The following CSMD1 variants were observed in gnomAD, a reference collection of about 807,000 sequenced individuals.
CSMD1 encodes CUB and sushi domain-containing protein 1.
Under a neutral mutation model 417.5 loss-of-function variants are expected in CSMD1, and 213 were observed. The ratio of observed to expected loss-of-function variants is 0.51; its 90% CI spans 0.46 to 0.57. CSMD1 has a LOEUF of 0.57. Among genes scored for constraint, CSMD1 ranks in the 20% least tolerant of loss-of-function variants. The pLI is 0.00. For synonymous variants in CSMD1, 2,862 were observed against 1,736.8 expected (o/e 1.65, Z -16.11); for missense variants, 6,923 against 4,529.7 (o/e 1.53, Z -15.17).
Position 3,906,756 on chromosome 8 carries a change from T to C in CSMD1, c.818+91147A>G, listed in dbSNP as rs146490210. Among the ~76,000 whole-genome samples the C allele has an allele frequency of 2.7e-3, 417 of 152,276 alleles. 2 individuals are homozygous for C. The highest frequency in any genetic ancestry group is 9.6e-3 in the African/African-American group (398 of 41,554). On this transcript the variant is annotated intron_variant, in intron 5 of 69. Transcript: ENST00000635120. ...CCTCATCTTTGATACTGTAAATTCCTACAAGAGGAAAAATGACTTTTATAT... is the reference window on the plus strand; with the variant it reads ...CCTCATCTTTGATACTGTAAATTCCCACAAGAGGAAAAATGACTTTTATAT...
chr8:4,938,649 G>C (rs561944641), intron 1 of CSMD1, among the ~76,000 whole-genome samples: 1 of 152,222 alleles, frequency 6.6e-6, no homozygotes, highest in East Asian at 1.9e-4. Context: ...GCTGTAATCA[G>C]TGCTTGAACT....
At chr8:4,368,260 T>A (rs1802201585) in intron 3 of CSMD1, among the ~76,000 whole-genome samples, 1 of 152,182 alleles carries the variant, frequency 6.6e-6, no homozygotes, top group African/African-American at 2.4e-5. Context: ...CTTGTGGCTT[T>A]TTTGTTCTGT....
intron 1 of CSMD1, among the ~76,000 whole-genome samples, chr8:4,715,662 A>C (rs1022660639): frequency 3.3e-5 from 5 of 152,180 alleles, no homozygotes; most frequent in Non-Finnish European, 5.9e-5. Flanking sequence ...TTCCAGATTC[A>C]TCTTAATTTT....
chr8:3,722,815 G>T (rs1030800983), intron 6 of CSMD1, among the ~76,000 whole-genome samples: 1 of 152,172 alleles, frequency 6.6e-6, no homozygotes, highest in Non-Finnish European at 1.5e-5. Flanking sequence ...GAACGATGCT[G>T]GTCTTGAGGA....
At chr8:4,583,113 C>T (rs377446034) in intron 2 of CSMD1, among the ~76,000 whole-genome samples, 37 of 152,346 alleles carry the variant, frequency 2.4e-4, no homozygotes, top group African/African-American at 7.9e-4. Context: ...GCCTCCCACC[C>T]ACTCCATGGG....
intron 3 of CSMD1, among the ~76,000 whole-genome samples, chr8:4,284,416 A>G (rs1404915735): frequency 3.9e-5 from 5 of 128,278 alleles, no homozygotes; most frequent in Non-Finnish European, 7.9e-5. Context: ...TTCAGGAGAG[A>G]CAAACACTGC....
chr8:4,802,919 G>A (rs1340443162), intron 1 of CSMD1, among the ~76,000 whole-genome samples: 4 of 152,156 alleles, frequency 2.6e-5, no homozygotes, highest in African/African-American at 9.7e-5. Flanking sequence ...AACCACTGGA[G>A]AGAGGCAGAA....
intron 1 of CSMD1, among the ~76,000 whole-genome samples, chr8:4,852,427 T>C (rs1456160891): frequency 6.6e-6 from 1 of 152,176 alleles, no homozygotes; most frequent in Non-Finnish European, 1.5e-5. Context: ...ATGCACTGTC[T>C]GCCCCTTTCA....
chr8:4,205,500 G>T (rs566466858), intron 3 of CSMD1, among the ~76,000 whole-genome samples: 1 of 152,152 alleles, frequency 6.6e-6, no homozygotes, highest in Non-Finnish European at 1.5e-5. Flanking sequence ...GCCACTCGAG[G>T]TAACTATCTT....
At chr8:4,519,600 C>T (rs1052678222) in intron 2 of CSMD1, among the ~76,000 whole-genome samples, 4 of 151,326 alleles carry the variant, frequency 2.6e-5, no homozygotes, top group African/African-American at 7.3e-5. Flanking sequence ...ATTAGCCCGA[C>T]ATGGTTGCAG....
chr8:4,099,970 C>G (rs529779385), intron 3 of CSMD1, among the ~76,000 whole-genome samples: 7 of 152,098 alleles, frequency 4.6e-5, no homozygotes, highest in Non-Finnish European at 7.4e-5. Context: ...ATTTTACTTC[C>G]TAATACAGTT....
chr8:4,300,600 T>C (rs1004263040), intron 3 of CSMD1, among the ~76,000 whole-genome samples: 8 of 152,214 alleles, frequency 5.3e-5, no homozygotes, highest in Non-Finnish European at 1.0e-4. Flanking sequence ...TTGTTTCATA[T>C]GTATACATGT....
chr8:3,007,515 G>A (rs1258883867), intron 52 of CSMD1, among the ~76,000 whole-genome samples: 1 of 149,740 alleles, frequency 6.7e-6, no homozygotes, highest in African/African-American at 2.5e-5. Flanking sequence ...AGACTTGGAA[G>A]CAACCCAAAT....
At chr8:4,580,639 T>C (rs1414352960) in intron 2 of CSMD1, among the ~76,000 whole-genome samples, 1 of 152,136 alleles carries the variant, frequency 6.6e-6, no homozygotes, top group African/African-American at 2.4e-5. Context: ...TGGCATCACA[T>C]AAGACATTCT....
chr8:3,617,436 C>T (rs1047507693), intron 7 of CSMD1, among the ~76,000 whole-genome samples: 2 of 152,168 alleles, frequency 1.3e-5, no homozygotes, highest in Non-Finnish European at 1.5e-5. Context: ...TCATTTCATC[C>T]TGTATAATTT....
chr8:3,674,368 G>A (rs17397907), intron 7 of CSMD1, among the ~76,000 whole-genome samples: 1 of 151,810 alleles, frequency 6.6e-6, no homozygotes, highest in African/African-American at 2.4e-5. Flanking sequence ...TTATCATCAC[G>A]AGCTAAGTAG....
chr8:4,227,103 TG>T (rs1801406361), intron 3 of CSMD1, among the ~76,000 whole-genome samples: 1 of 152,218 alleles, frequency 6.6e-6, no homozygotes, highest in South Asian at 2.1e-4. Context: ...AGGTCTTTTC[TG>T]GGAAGGAAAT....
chr8:3,819,533 TACACACACACACAC>T (rs10566509), intron 5 of CSMD1, among the ~76,000 whole-genome samples: 1 of 82,346 alleles, frequency 1.2e-5, no homozygotes, highest in African/African-American at 5.2e-5. Context: ...AGGTGATTTC[TACACACACACACAC>T]ACACACACAC....
At chr8:4,881,846 G>C (rs1440128272) in intron 1 of CSMD1, among the ~76,000 whole-genome samples, 1 of 151,972 alleles carries the variant, frequency 6.6e-6, no homozygotes, top group Non-Finnish European at 1.5e-5. Context: ...TACAATTCGA[G>C]CATTATTTTG....
Sources: gnomAD v4.1 joint callset for allele counts (sites outside exome capture counted in the v4.1 genomes callset) on GRCh38, gnomAD v4.1.1 for gene constraint, MANE v1.5 for transcripts, NCBI Gene and HGNC (gene_info 2026-07-23, HGNC 2026-07-21) for gene names.